ADGRL2: variants seen among roughly 807,000 people sequenced by gnomAD.
ADGRL2 encodes the protein calcium-independent alpha-latrotoxin receptor 2.
ADGRL2 carries 44 observed loss-of-function variants against 157.4 expected under a neutral mutation model. The observed-to-expected ratio is 0.28, with a 90% CI of 0.22 to 0.36. The LOEUF is 0.36. Among genes scored for constraint, ADGRL2 ranks in the 10% least tolerant of loss-of-function variants. The pLI is 1.00. For synonymous variants in ADGRL2, 585 were observed against 624.7 expected (o/e 0.94, Z 0.95); for missense variants, 1,510 against 1,768.9 (o/e 0.85, Z 2.63).
At chr1:81,410,188 G>A (rs1018238328) in intron 1 of ADGRL2, among the ~76,000 whole-genome samples, 3 of 152,058 alleles carry the variant, frequency 2.0e-5, no homozygotes, top group Admixed American at 6.5e-5. Flanking sequence ...TTTATTATAC[G>A]ATGCTTCAAT....
chr1:81,582,238 A>G (rs2080931273), intron 3 of ADGRL2, among the ~76,000 whole-genome samples: 1 of 151,920 alleles, frequency 6.6e-6, no homozygotes, highest in Non-Finnish European at 1.5e-5. Flanking sequence ...TTTTTTTTTT[A>G]GTTAAAAATA....
intron 3 of ADGRL2, among the ~76,000 whole-genome samples, chr1:81,911,282 C>A (rs1233794748): frequency 6.6e-6 from 1 of 152,016 alleles, no homozygotes; most frequent in African/African-American, 2.4e-5. Flanking sequence ...TTTTATAGAA[C>A]AGTCACCATT....
At chr1:81,971,750 G>A (rs1440852820) in intron 16 of ADGRL2, 102 bp from the exon 17 acceptor site, 2 of 622,896 alleles carry the variant, frequency 3.2e-6, no homozygotes, top group Non-Finnish European at 5.8e-6. Context: ...AAAGGCAAAT[G>A]TAAAGATAGT....
At chr1:81,863,374 C>T (rs1253818701) in intron 2 of ADGRL2, among the ~76,000 whole-genome samples, 1 of 152,140 alleles carries the variant, frequency 6.6e-6, no homozygotes, top group African/African-American at 2.4e-5. Context: ...CTAAATACTG[C>T]ATAATATTGC....
chr1:81,394,211 CTAAT>C (rs1482723014), intron 1 of ADGRL2, among the ~76,000 whole-genome samples: 1 of 152,054 alleles, frequency 6.6e-6, no homozygotes, highest in Non-Finnish European at 1.5e-5. Flanking sequence ...TAGATTCTGA[CTAAT>C]TGACAAATCT....
chr1:81,453,709 T>C (rs917761918), intron 2 of ADGRL2, among the ~76,000 whole-genome samples: 1 of 152,174 alleles, frequency 6.6e-6, no homozygotes, highest in Non-Finnish European at 1.5e-5. Flanking sequence ...GATTTTTGCT[T>C]TTCCTGGCAG....
intron 1 of ADGRL2, among the ~76,000 whole-genome samples, chr1:81,331,581 G>A (rs1453581809): frequency 1.3e-5 from 2 of 152,042 alleles, no homozygotes; most frequent in Non-Finnish European, 2.9e-5. Context: ...CTCGCTACTG[G>A]AAAATGATGT....
At chr1:81,431,533 C>A (rs944496212) in intron 1 of ADGRL2, among the ~76,000 whole-genome samples, 13 of 152,324 alleles carry the variant, frequency 8.5e-5, no homozygotes, top group Admixed American at 7.2e-4. Context: ...AGAGAATTAG[C>A]AGCCCTGTGA....
chr1:81,822,617 A>G (rs2091097159), intron 1 of ADGRL2, among the ~76,000 whole-genome samples: 2 of 152,018 alleles, frequency 1.3e-5, no homozygotes, highest in Admixed American at 6.6e-5. Context: ...GGCTCTAGCT[A>G]TCCTCCCGCC....
chr1:81,576,953 A>T (rs2080809829), intron 2 of ADGRL2, among the ~76,000 whole-genome samples: 1 of 152,064 alleles, frequency 6.6e-6, no homozygotes, highest in Non-Finnish European at 1.5e-5. Flanking sequence ...GTTGGATCCC[A>T]TGTTTGTCCT....
Position 81,722,078 on chromosome 1 carries a change from G to T in ADGRL2, c.-143+22270G>T, listed in dbSNP as rs1207542528. 1.8e-5 allele frequency: 7 copies of T among 382,556 alleles called. No homozygotes were observed. The East Asian group carries it at 4.7e-4, about 26-fold the overall frequency. 23.7% of individuals were successfully genotyped at this position (382,556 alleles called of 1,614,324 possible). A position where few individuals can be genotyped will look rare whatever the true frequency, so the allele number is the denominator to read the frequency against. On this transcript the variant is annotated intron_variant, in intron 1 of 20. Coordinates refer to the ADGRL2 transcript ENST00000359929. ...GAGGCCGAGGCGGGCGGATCACGAGGTCAGGAGATCGAGACCATCCTGGCT... is the reference window on the plus strand; with the variant it reads ...GAGGCCGAGGCGGGCGGATCACGAGTTCAGGAGATCGAGACCATCCTGGCT...
intron 1 of ADGRL2, among the ~76,000 whole-genome samples, chr1:81,438,303 G>A (rs969486919): frequency 9.9e-5 from 15 of 152,172 alleles, no homozygotes; most frequent in South Asian, 2.1e-4. Context: ...TTCCCCCAGA[G>A]AACCATTATT....
chr1:81,832,351 G>A (rs374220187), intron 1 of ADGRL2, among the ~76,000 whole-genome samples: 2 of 152,084 alleles, frequency 1.3e-5, no homozygotes, highest in Admixed American at 6.5e-5. Flanking sequence ...CACCATGTTG[G>A]TCAGGCTGGT....
At chr1:81,828,154 G>A (rs949224809) in intron 1 of ADGRL2, among the ~76,000 whole-genome samples, 1 of 152,094 alleles carries the variant, frequency 6.6e-6, no homozygotes, top group East Asian at 1.9e-4. Context: ...ATGTCATTTC[G>A]GTATGCATTG....
chr1:81,669,409 A>C (rs1458872535), intron 3 of ADGRL2, among the ~76,000 whole-genome samples: 1 of 151,904 alleles, frequency 6.6e-6, no homozygotes, highest in African/African-American at 2.4e-5. Context: ...ATGTAGCAAG[A>C]CTCCATCTCT....
intron 11 of ADGRL2, among the ~76,000 whole-genome samples, chr1:81,962,359 T>C (rs189656141): frequency 1.3e-5 from 2 of 152,090 alleles, no homozygotes; most frequent in East Asian, 1.9e-4. Flanking sequence ...TCCTGTTTGA[T>C]TTTTTCTTTA....
intron 1 of ADGRL2, among the ~76,000 whole-genome samples, chr1:81,359,398 G>A (rs751192867): frequency 2.0e-5 from 3 of 151,994 alleles, no homozygotes; most frequent in Admixed American, 6.6e-5. Flanking sequence ...GGTACCTATC[G>A]TCTTCAATAT....
intron 1 of ADGRL2, among the ~76,000 whole-genome samples, chr1:81,749,367 A>G (rs1253958956): frequency 6.6e-6 from 1 of 152,176 alleles, no homozygotes; most frequent in Non-Finnish European, 1.5e-5. Flanking sequence ...AAAAAACTAA[A>G]CCAACCATTG....
At chr1:81,363,399 G>T (rs376063193) in intron 1 of ADGRL2, among the ~76,000 whole-genome samples, 9 of 151,866 alleles carry the variant, frequency 5.9e-5, no homozygotes, top group African/African-American at 1.9e-4. Context: ...TATACATAAC[G>T]AATTTTCCAT....
Sources: gnomAD v4.1 joint callset for allele counts (sites outside exome capture counted in the v4.1 genomes callset) on GRCh38, gnomAD v4.1.1 for gene constraint, MANE v1.5 for transcripts, NCBI Gene and HGNC (gene_info 2026-07-23, HGNC 2026-07-21) for gene names.